ACSL5: variants seen among roughly 807,000 people sequenced by gnomAD.
ACSL5 encodes the protein acyl-CoA synthetase long chain family member 5, also known as long-chain-fatty-acid--CoA ligase 5.
ACSL5 carries 50 observed loss-of-function variants against 84.9 expected under a neutral mutation model. That is an observed-to-expected ratio of 0.59 (90% CI 0.47 to 0.75). The LOEUF (loss-of-function observed/expected upper bound fraction) is 0.75, where lower values mean the gene tolerates loss of function less well. Ranked by LOEUF, ACSL5 falls within the 30% of genes least tolerant of loss-of-function variation. The pLI is 0.00. For synonymous variants in ACSL5, 280 were observed against 300.7 expected, an observed-to-expected ratio of 0.93 and a Z score of 0.71; for missense variants, 775 against 830.4, an observed-to-expected ratio of 0.93 and a Z score of 0.82.
chr10:112,426,205 C>T (rs1844697048), intron 18 of ACSL5, 53 bp from the exon 19 acceptor site: 1 of 1,387,940 alleles, frequency 7.2e-7, no homozygotes. Flanking sequence ...TACTGGGGGA[C>T]ATCCCTACAT....
rs200105719 is a variant in ACSL5 at position 112,408,436 on chromosome 10, A to T, written c.447A>T (p.Glu149Asp). 4.3e-6 allele frequency: 7 copies of T among 1,611,870 alleles called. No homozygotes were observed. The highest frequency in any genetic ancestry group is 5.1e-6 in the Non-Finnish European group (6 of 1,178,050). The change falls in exon 6 of 21, where the codon GAA (glutamate) becomes GAT (aspartate). Residue 149 changes from glutamate to aspartate, a missense_variant. Coordinates refer to ENST00000354655, the MANE Select transcript of ACSL5 (RefSeq NM_203379.2). ...TCTCTGTACAGTGGATCATCTCCGA[A>T]TTGGCTTGTTACACGTACTCTATGG... The part of the protein sequence containing the change: ...AQNRPEWIIS[E>D]LACYTYSMVA...
chr10:112,401,243 T>A (rs1291352380), intron 3 of ACSL5, among the ~76,000 whole-genome samples: 1 of 152,088 alleles, frequency 6.6e-6, no homozygotes, highest in Non-Finnish European at 1.5e-5. Flanking sequence ...AAAATGACAC[T>A]TCTGGTCCTA....
intron 1 of ACSL5, among the ~76,000 whole-genome samples, chr10:112,374,773 A>G (rs1024567498): frequency 1.3e-5 from 2 of 152,144 alleles, no homozygotes; most frequent in Non-Finnish European, 2.9e-5. Flanking sequence ...TATCCTTCCC[A>G]TTTCACAGAG....
rs1844765017 is a variant in ACSL5 at position 112,427,233 on chromosome 10, C to G, written c.1927C>G (p.Leu643Val). ...KTFEQVKAIF[L>V]HPEPFSIENG... Reference sequence around the variant, plus strand: ...CATCTTCCAGGTCAAAGCCATTTTTCTTCATCCAGAGCCATTTTCCATTGA... The same window carrying G: ...CATCTTCCAGGTCAAAGCCATTTTTGTTCATCCAGAGCCATTTTCCATTGA... The change falls in exon 21 of 21, where the codon CTT becomes GTT. Residue 643 changes from leucine (L) to valine (V), a missense_variant. Transcript: ENST00000354655. 1.9e-6 allele frequency: 3 copies of G among 1,611,400 alleles called. No individual in the cohort carries two copies. Among genetic ancestry groups the G allele is most frequent in the Non-Finnish European group, 1.7e-6 (2 of 1,179,162 alleles).
chr10:112,420,648 T>C (rs1036052968), intron 14 of ACSL5, among the ~76,000 whole-genome samples: 10 of 152,216 alleles, frequency 6.6e-5, no homozygotes, highest in Admixed American at 6.5e-4. Flanking sequence ...TGCTATTGGG[T>C]TGCACACCAC....
chr10:112,385,011 G>A (rs554057884), intron 1 of ACSL5, among the ~76,000 whole-genome samples: 1 of 152,088 alleles, frequency 6.6e-6, no homozygotes, highest in Non-Finnish European at 1.5e-5. Flanking sequence ...GAATTCCATT[G>A]TGTGGAAGTA....
At chr10:112,406,536 G>A (rs1844042096) in intron 5 of ACSL5, 1 of 152,158 alleles carries the variant, frequency 6.6e-6, no homozygotes, top group South Asian at 2.1e-4. Context: ...GATATTTAAG[G>A]CCCATCACTA....
At chr10:112,400,877 A>C (rs1002381383) in intron 3 of ACSL5, among the ~76,000 whole-genome samples, 6 of 152,186 alleles carry the variant, frequency 3.9e-5, no homozygotes, top group African/African-American at 1.2e-4. Flanking sequence ...TTCTGTTTTT[A>C]GAAGTTTTCT....
chr10:112,384,003 G>A (rs1693930095), intron 1 of ACSL5, among the ~76,000 whole-genome samples: 1 of 151,932 alleles, frequency 6.6e-6, no homozygotes, highest in Admixed American at 6.6e-5. Flanking sequence ...AGACCAGCCT[G>A]GACAACATGG....
chr10:112,394,128 A>G (rs1487357441), intron 1 of ACSL5, among the ~76,000 whole-genome samples: 1 of 152,222 alleles, frequency 6.6e-6, no homozygotes, highest in African/African-American at 2.4e-5. Context: ...CTTGGCTGAA[A>G]ACTATAAGAA....
intron 7 of ACSL5, 32 bp downstream of exon 7, chr10:112,409,717 A>G: frequency 5.0e-6 from 8 of 1,608,682 alleles, no homozygotes; most frequent in South Asian, 1.1e-5. Context: ...TGCAGCTCCA[A>G]TGCTTGTCCA....
intron 15 of ACSL5, 113 bp downstream of exon 15, chr10:112,421,778 C>A: frequency 7.3e-7 from 1 of 1,362,076 alleles, no homozygotes. Flanking sequence ...GTGGCAAATG[C>A]AAAATTCAAG....
intron 18 of ACSL5, 78 bp from the exon 19 acceptor site, chr10:112,426,180 T>TTA: frequency 8.9e-7 from 1 of 1,118,098 alleles, no homozygotes; most frequent in Non-Finnish European, 1.3e-6. Context: ...ATGACATAAT[T>TTA]CTGCTTTATT....
rs746731885 is a variant in ACSL5, at chr10:112,398,947, G to C, written c.203G>C (p.Ser68Thr). Residue 68 changes from serine to threonine, a missense_variant, in exon 3 of 21, where the codon AGT becomes ACT. Physicochemically the swap from Ser to Thr is moderately conservative, Grantham distance 58. Transcript: ENST00000354655. ...GVSQKNNDLT[S>T]CCFSDAKTMY... is the part of the protein sequence containing the mutation. The stretch of plus-strand genomic sequence containing the variant: ...TCCCAGAAGAACAATGACCTAACAA[G>C]TTGCTGCTTCTCAGATGCCAAGACT... 65 of 1,613,996 alleles carry C rather than the reference G, an allele frequency of 4.0e-5. No individual in the cohort carries two copies. The highest frequency in any genetic ancestry group is 5.3e-5 in the Non-Finnish European group (62 of 1,180,012).
intron 1 of ACSL5, among the ~76,000 whole-genome samples, chr10:112,393,955 G>A (rs544431085): frequency 6.6e-6 from 1 of 152,290 alleles, no homozygotes; most frequent in African/African-American, 2.4e-5. Context: ...CCTGTGCCTG[G>A]CATACAGTGA....
intron 3 of ACSL5, among the ~76,000 whole-genome samples, chr10:112,400,166 C>A (rs556665949): frequency 6.6e-6 from 1 of 152,210 alleles, no homozygotes; most frequent in South Asian, 2.1e-4. Context: ...ACTTCTCTGG[C>A]AATTTAAGAT....
At chr10:112,392,970 G>C (rs1302446407) in intron 1 of ACSL5, among the ~76,000 whole-genome samples, 5 of 152,032 alleles carry the variant, frequency 3.3e-5, no homozygotes, top group Non-Finnish European at 5.9e-5. Flanking sequence ...TGAAGGGAGT[G>C]GCTGGTGGCA....
chr10:112,399,052 G>T, intron 3 of ACSL5, 43 bp downstream of exon 3: 2 of 1,510,968 alleles, frequency 1.3e-6, no homozygotes, highest in Non-Finnish European at 1.8e-6. Flanking sequence ...GACAAGGTGA[G>T]GTCTGTGGCC....
intron 11 of ACSL5, 25 bp from the exon 12 acceptor site, chr10:112,413,148 C>T: frequency 2.5e-6 from 4 of 1,612,922 alleles, no homozygotes; most frequent in Non-Finnish European, 3.4e-6. Flanking sequence ...TGCCTCTAAG[C>T]TCTATAATTT....
Sources: gnomAD v4.1 joint callset for allele counts (sites outside exome capture counted in the v4.1 genomes callset) on GRCh38, gnomAD v4.1.1 for gene constraint, MANE v1.5 for transcripts, NCBI Gene and HGNC (gene_info 2026-07-23, HGNC 2026-07-21) for gene names.